Variants in B3GALT1 observed in about 807,000 individuals in gnomAD.
B3GALT1 encodes beta-1,3-galactosyltransferase 1, also known as UDP-Gal:betaGlcNAc beta 1,3-galactosyltransferase, polypeptide 1.
Under a neutral mutation model 23.2 loss-of-function variants are expected in B3GALT1, and 10 were observed. The ratio of observed to expected loss-of-function variants is 0.43; its 90% CI spans 0.27 to 0.73. B3GALT1 has a LOEUF of 0.73. Among genes scored for constraint, B3GALT1 ranks in the 30% least tolerant of loss-of-function variants. The pLI is 0.21. For missense variants in B3GALT1, 299 were observed against 405.4 expected (o/e 0.74, Z 2.25); for synonymous variants, 156 against 141.5 (o/e 1.10, Z -0.73).
chr2:167,447,754 G>A (rs534632117), intron 1 of B3GALT1, among the ~76,000 whole-genome samples: 42 of 152,244 alleles, frequency 2.8e-4, no homozygotes, highest in African/African-American at 6.0e-4. Context: ...TCCAGGTGCC[G>A]TCTGTCACAG....
chr2:167,720,032 T>C (rs1055903186), intron 3 of B3GALT1, among the ~76,000 whole-genome samples: 11 of 152,106 alleles, frequency 7.2e-5, no homozygotes, highest in African/African-American at 2.7e-4. Flanking sequence ...AGTTGTACCA[T>C]GTCTAAAATT....
At chr2:167,493,665 G>A (rs1699740476) in intron 2 of B3GALT1, among the ~76,000 whole-genome samples, 1 of 152,162 alleles carries the variant, frequency 6.6e-6, no homozygotes, top group Admixed American at 6.5e-5. Flanking sequence ...GGACTCCAGT[G>A]CAGGAGGGTT....
At chr2:167,857,565 G>A (rs35867406) in intron 4 of B3GALT1, among the ~76,000 whole-genome samples, 15,925 of 152,002 alleles carry the variant, frequency 0.1, 1,441 homozygotes, top group African/African-American at 0.25. Context: ...CTGAGCAAAT[G>A]TTTGGTGAGT....
At chr2:167,329,591 A>G (rs1696942722) in intron 1 of B3GALT1, among the ~76,000 whole-genome samples, 1 of 152,094 alleles carries the variant, frequency 6.6e-6, no homozygotes, top group Non-Finnish European at 1.5e-5. Flanking sequence ...ATTGTACTGC[A>G]GTCTGTCTCT....
chr2:167,631,073 T>C (rs994688549), intron 2 of B3GALT1, among the ~76,000 whole-genome samples: 31 of 151,942 alleles, frequency 2.0e-4, no homozygotes, highest in Non-Finnish European at 4.1e-4. Flanking sequence ...TTGAATTTTT[T>C]ACCATATTCA....
intron 1 of B3GALT1, among the ~76,000 whole-genome samples, chr2:167,324,759 G>A (rs1401066988): frequency 6.6e-6 from 1 of 151,890 alleles, no homozygotes; most frequent in Non-Finnish European, 1.5e-5. Context: ...GTAGTATATC[G>A]TGTTAACTGT....
At chr2:167,825,177 A>G (rs886593446) in intron 4 of B3GALT1, among the ~76,000 whole-genome samples, 1 of 150,852 alleles carries the variant, frequency 6.6e-6, no homozygotes, top group Admixed American at 6.6e-5. Context: ...CCAGCTGCTC[A>G]GGAGGCTGAG....
intron 1 of B3GALT1, among the ~76,000 whole-genome samples, chr2:167,325,110 A>T (rs1050482846): frequency 6.6e-5 from 10 of 152,148 alleles, no homozygotes; most frequent in African/African-American, 2.4e-4. Context: ...TTATCCATTG[A>T]TAGGCATTAA....
chr2:167,625,369 A>T (rs1336408068), intron 2 of B3GALT1, among the ~76,000 whole-genome samples: 1 of 151,906 alleles, frequency 6.6e-6, no homozygotes, highest in African/African-American at 2.4e-5. Flanking sequence ...CAGCTTTGTC[A>T]TTCATTTATT....
chr2:167,598,901 A>G (rs1338606668), intron 2 of B3GALT1, among the ~76,000 whole-genome samples: 1 of 152,172 alleles, frequency 6.6e-6, no homozygotes, highest in East Asian at 1.9e-4. Flanking sequence ...AGGACATTCT[A>G]TTATCTTTCT....
At position 167,497,994 on chromosome 2, in the gene B3GALT1, C is replaced by A. The variant is rs1574104752; in HGVS notation, c.-410+7717C>A. 4.6e-5 allele frequency among the ~76,000 whole-genome samples: 7 copies of A among 152,176 alleles called. 1 individual carries two copies. Among genetic ancestry groups the A allele is most frequent in the African/African-American group, 1.7e-4 (7 of 41,532 alleles). On this transcript the variant is annotated intron_variant, in intron 2 of 4. Transcript: ENST00000392690. ...GTCTTTGGTTAAAAAAAAGTGCCAA[C>A]AAGTTTGAAAGCCTAAAGTTAAATG...
chr2:167,630,575 G>A (rs1024063523), intron 2 of B3GALT1, among the ~76,000 whole-genome samples: 3 of 151,536 alleles, frequency 2.0e-5, no homozygotes, highest in Non-Finnish European at 4.4e-5. Context: ...AGTAAGTGCT[G>A]AAGGATTTTG....
intron 2 of B3GALT1, among the ~76,000 whole-genome samples, chr2:167,562,052 C>G (rs1684007875): frequency 6.6e-6 from 1 of 152,158 alleles, no homozygotes; most frequent in Admixed American, 6.5e-5. Context: ...ATGCAAAAAT[C>G]CTCAATAAAA....
chr2:167,453,464 A>G (rs1699119708), intron 1 of B3GALT1, among the ~76,000 whole-genome samples: 1 of 152,224 alleles, frequency 6.6e-6, no homozygotes, highest in African/African-American at 2.4e-5. Flanking sequence ...TTAAATGTAT[A>G]TATTCTACTA....
At chr2:167,857,496 G>A (rs1690020276) in intron 4 of B3GALT1, among the ~76,000 whole-genome samples, 1 of 152,044 alleles carries the variant, frequency 6.6e-6, no homozygotes, top group South Asian at 2.1e-4. Context: ...AATTGTAAAA[G>A]AGGAGAATGC....
intron 3 of B3GALT1, among the ~76,000 whole-genome samples, chr2:167,745,919 T>G (rs779750441): frequency 1.4e-4 from 22 of 152,194 alleles, no homozygotes; most frequent in Non-Finnish European, 2.9e-4. Context: ...ATTGTATATT[T>G]ATGATTAATA....
At chr2:167,539,781 C>T (rs1277902490) in intron 2 of B3GALT1, among the ~76,000 whole-genome samples, 1 of 151,810 alleles carries the variant, frequency 6.6e-6, no homozygotes, top group African/African-American at 2.4e-5. Context: ...TTGGTATCCA[C>T]AAAATATTAT....
intron 3 of B3GALT1, among the ~76,000 whole-genome samples, chr2:167,730,633 C>T (rs901179451): frequency 2.0e-5 from 3 of 152,174 alleles, no homozygotes; most frequent in African/African-American, 7.2e-5. Context: ...TTATACCACT[C>T]AGAGCTGGCG....
rs1198490095 is a variant in B3GALT1 at position 167,679,121 on chromosome 2, TG to T, written c.-352+32156del. Among the ~76,000 whole-genome samples, 4 of 115,838 alleles carry T rather than the reference TG, an allele frequency of 3.5e-5. No individual in the cohort carries two copies. In the East Asian group the frequency reaches 6.4e-4, roughly 19 times the overall value. 76.0% of individuals were successfully genotyped at this position (115,838 alleles called of 152,430 possible). A position where few individuals can be genotyped will look rare whatever the true frequency, so the allele number is the denominator to read the frequency against. On this transcript the variant is annotated intron_variant, in intron 3 of 4. Transcript: ENST00000392690. ...GTTTTTGTTTTTGTTTTTTTGTTTT[TG>T]TTTTTTTTTTTGAGACAGAGTTTCA...
Sources: allele counts gnomAD v4.1 joint callset (sites outside exome capture counted in the v4.1 genomes callset), GRCh38; gene constraint gnomAD v4.1.1; transcripts MANE v1.5; gene names NCBI Gene and HGNC (gene_info 2026-07-23, HGNC 2026-07-21).